Variants in EML6 observed in about 807,000 individuals in gnomAD.
The protein encoded by EML6 is EMAP like 6.
EML6 carries 154 observed loss-of-function variants against 240.1 expected under a neutral mutation model. The ratio of observed to expected loss-of-function variants is 0.64; its 90% CI spans 0.56 to 0.73. EML6 has a LOEUF of 0.73. Ranked by LOEUF, EML6 falls within the 30% of genes least tolerant of loss-of-function variation. The pLI, the probability that EML6 is intolerant of heterozygous loss-of-function variation, is 0.00. For synonymous variants in EML6, 1,148 were observed against 899.0 expected (o/e 1.28, Z -4.95); for missense variants, 2,964 against 2,474.6 (o/e 1.20, Z -4.20).
intron 2 of EML6, chr2:54,748,506 A>C (rs1234082877): frequency 6.6e-6 from 1 of 152,114 alleles, no homozygotes; most frequent in African/African-American, 2.4e-5. Flanking sequence ...ACTTGAATTG[A>C]CTCAGAGGCC....
chr2:54,868,696 G>C (rs1671097688), intron 14 of EML6: 1 of 152,550 alleles, frequency 6.6e-6, no homozygotes, highest in African/African-American at 2.4e-5. Flanking sequence ...GGATTCCTTA[G>C]CCAGTCATTA....
chr2:54,814,708 G>A (rs111957111), intron 3 of EML6, among the ~76,000 whole-genome samples: 13 of 152,304 alleles, frequency 8.5e-5, no homozygotes, highest in African/African-American at 3.1e-4. Flanking sequence ...GTTGACCTGG[G>A]TTGAGTCACT....
Position 54,847,500 on chromosome 2 carries a change from C to CT in EML6, c.1065dup (p.Asp356Ter). On this transcript the variant is annotated frameshift_variant, in exon 9 of 42. Transcript: ENST00000356458. LOFTEE classifies it high-confidence loss of function. ...CTTGTGCCTAGGCTGTGGAGCCTGGCTGATCATGCCTTGATCGCCCGCTGT... is the reference window on the plus strand; with the variant it reads ...CTTGTGCCTAGGCTGTGGAGCCTGGCTTGATCATGCCTTGATCGCCCGCTGT... 1 of 1,551,570 alleles carries CT rather than the reference C, an allele frequency of 6.4e-7. No homozygotes were observed. Among genetic ancestry groups the CT allele is most frequent in the Non-Finnish European group, 8.7e-7 (1 of 1,147,004 alleles).
chr2:54,861,064 G>T (rs1283218431), intron 12 of EML6, among the ~76,000 whole-genome samples: 1 of 152,156 alleles, frequency 6.6e-6, no homozygotes, highest in Non-Finnish European at 1.5e-5. Flanking sequence ...TCCAGAAGGG[G>T]CTTACAGCAT....
Position 54,939,394 on chromosome 2 carries a change from A to G in EML6, c.4005-9488A>G, listed in dbSNP as rs568683935. On this transcript the variant is annotated intron_variant, in intron 28 of 41. Transcript: ENST00000356458. ...AGGGAATGTGTGATAGTGGATGTTT[A>G]GGAGGGGTCTAGAGGATCAGGCAAC... 6.0e-4 allele frequency among the ~76,000 whole-genome samples: 92 copies of G among 152,326 alleles called. 1 individual carries two copies. Among genetic ancestry groups the G allele is most frequent in the African/African-American group, 2.2e-3 (92 of 41,576 alleles).
chr2:54,851,878 C>T (rs1340057592), intron 10 of EML6, among the ~76,000 whole-genome samples: 1 of 152,306 alleles, frequency 6.6e-6, no homozygotes, highest in Admixed American at 6.5e-5. Flanking sequence ...TGGGTTTCAG[C>T]TTGTTGGGCA....
At chr2:54,864,244 C>T (rs1034555504) in intron 13 of EML6, among the ~76,000 whole-genome samples, 1 of 152,136 alleles carries the variant, frequency 6.6e-6, no homozygotes, top group Non-Finnish European at 1.5e-5. Context: ...GCATGTGTTT[C>T]CTTTACAAGG....
intron 2 of EML6, among the ~76,000 whole-genome samples, chr2:54,798,945 A>C (rs999277396): frequency 6.6e-6 from 1 of 152,094 alleles, no homozygotes; most frequent in South Asian, 2.1e-4. Context: ...GGGAATTTCC[A>C]TTCTATTCTT....
intron 2 of EML6, among the ~76,000 whole-genome samples, chr2:54,798,126 A>G (rs1669920009): frequency 1.3e-5 from 2 of 152,090 alleles, no homozygotes; most frequent in Non-Finnish European, 2.9e-5. Flanking sequence ...CATAAACATA[A>G]TATCTCTTCT....
In EML6 at chr2:54,914,624, A is replaced by T. The variant is rs189780699; in HGVS notation, c.3499-2135A>T. Among the ~76,000 whole-genome samples the T allele has an allele frequency of 7.2e-4, 109 of 152,278 alleles. 1 individual carries two copies. Among genetic ancestry groups the T allele is most frequent in the African/African-American group, 2.6e-3 (109 of 41,552 alleles). On this transcript the variant is annotated intron_variant, in intron 25 of 41. Transcript: ENST00000356458. ...TTACTCCAGAGGCTGATTCCTGATGATGTTGGTTGCAGAGTCCTTCCAACT... is the reference window on the plus strand; with the variant it reads ...TTACTCCAGAGGCTGATTCCTGATGTTGTTGGTTGCAGAGTCCTTCCAACT...
rs140364893 is a variant in EML6, at chr2:54,818,524, T to G, written c.456+1639T>G. On this transcript the variant is annotated intron_variant, in intron 4 of 41. Coordinates refer to ENST00000356458, the MANE Select transcript of EML6 (RefSeq NM_001039753.4). Reference sequence around the variant, plus strand: ...CAGTTCATTTTCCCCAGGATACATATGCCTGCCCAGTTGCAGAGCAGAGCT... The same window carrying G: ...CAGTTCATTTTCCCCAGGATACATAGGCCTGCCCAGTTGCAGAGCAGAGCT... 2.7e-4 allele frequency among the ~76,000 whole-genome samples: 41 copies of G among 152,354 alleles called. No homozygotes were observed. In the East Asian group the frequency reaches 7.7e-3, roughly 29 times the overall value.
At chr2:54,853,512 A>G (rs1255747310) in intron 10 of EML6, 131 bp from the exon 11 acceptor site, 8 of 598,320 alleles carry the variant, frequency 1.3e-5, no homozygotes, top group East Asian at 3.2e-5. Context: ...AAAATCGCAA[A>G]TGGGATAAAG....
At chr2:54,882,209 A>G (rs527372823) in intron 17 of EML6, 1 of 151,950 alleles carries the variant, frequency 6.6e-6, no homozygotes, top group Non-Finnish European at 1.5e-5. Context: ...ATTTCCCCGC[A>G]TGCAATCTTT....
chr2:54,916,358 T>C (rs1314482425), intron 25 of EML6, among the ~76,000 whole-genome samples: 1 of 152,210 alleles, frequency 6.6e-6, no homozygotes, highest in Non-Finnish European at 1.5e-5. Context: ...CCAGAGATGC[T>C]CTAAACATCC....
chr2:54,726,323 G>T (rs1282643617), intron 2 of EML6, among the ~76,000 whole-genome samples: 1 of 152,122 alleles, frequency 6.6e-6, no homozygotes, highest in African/African-American at 2.4e-5. Flanking sequence ...CTCTAAGTTT[G>T]TCTTTCACAA....
chr2:54,725,281 C>T lies in EML6; in HGVS notation c.197+23C>T, dbSNP rs1326082543. On this transcript the variant is annotated intron_variant, in intron 2 of 41. Coordinates refer to ENST00000356458, the MANE Select transcript of EML6 (RefSeq NM_001039753.4). This position sits in a 1 kb window ranked among gnomAD's most constrained non-coding sequence, Gnocchi z 4.3. Reference sequence around the variant, plus strand: ...CAGGTAAGGGGGTGGCCAGGGGCGGCGGGGAGGGGTTGCGTGTGGAGGCTG... The same window carrying T: ...CAGGTAAGGGGGTGGCCAGGGGCGGTGGGGAGGGGTTGCGTGTGGAGGCTG... 2.2e-6 allele frequency: 3 copies of T among 1,348,632 alleles called. No homozygotes were observed. The highest frequency in any genetic ancestry group is 1.8e-5 in the South Asian group (1 of 55,574). The allele number at this position is 1,348,632 out of a possible 1,614,324, so 83.5% of individuals were successfully genotyped here. A position where few individuals can be genotyped will look rare whatever the true frequency, so the allele number is the denominator to read the frequency against.
intron 21 of EML6, among the ~76,000 whole-genome samples, chr2:54,898,457 G>A (rs1672886758): frequency 6.6e-6 from 1 of 152,102 alleles, no homozygotes; most frequent in African/African-American, 2.4e-5. Flanking sequence ...CTCTGGGGCT[G>A]GGAGGCTTCC....
At position 54,968,715 on chromosome 2, in the gene EML6, C is replaced by CA. The variant is rs1676859304; in HGVS notation, c.5799_5800insA (p.Arg1934ThrfsTer5). ...GTCACTCGGCTCACGTGACGAACAT[C>CA]CGTTTCTCTTATGATGACAAGTATG... On this transcript the variant is annotated frameshift_variant, in exon 41 of 42. Transcript: ENST00000356458. LOFTEE classifies it high-confidence loss of function. 2.6e-6 allele frequency: 4 copies of CA among 1,551,446 alleles called. No homozygotes were observed. Among genetic ancestry groups the CA allele is most frequent in the Non-Finnish European group, 3.5e-6 (4 of 1,146,684 alleles).
At chr2:54,877,209 C>A (rs1020887362) in intron 16 of EML6, among the ~76,000 whole-genome samples, 3 of 152,120 alleles carry the variant, frequency 2.0e-5, no homozygotes, top group Non-Finnish European at 4.4e-5. Flanking sequence ...ATCACCAACT[C>A]CTGGGCTCAA....
Sources: gnomAD v4.1 joint callset for allele counts (sites outside exome capture counted in the v4.1 genomes callset) on GRCh38, gnomAD v4.1.1 for gene constraint, Gnocchi (gnomAD v3.1) non-coding constraint, MANE v1.5 for transcripts, NCBI Gene and HGNC (gene_info 2026-07-23, HGNC 2026-07-21) for gene names.